Variants in EYA2 observed in about 807,000 individuals in gnomAD.
The protein encoded by EYA2 is EYA transcriptional coactivator and phosphatase 2, also known as protein phosphatase EYA2.
Under a neutral mutation model 69.2 loss-of-function variants are expected in EYA2, and 31 were observed. The observed-to-expected ratio is 0.45, with a 90% CI of 0.34 to 0.60. The LOEUF (loss-of-function observed/expected upper bound fraction) is 0.60, where lower values mean the gene tolerates loss of function less well. Among genes scored for constraint, EYA2 ranks in the 20% least tolerant of loss-of-function variants. The probability of loss-of-function intolerance (pLI) is 0.02; values close to 1 mark genes in which losing one functional copy is unlikely to be tolerated. For missense variants in EYA2, 622 were observed against 701.2 expected (o/e 0.89, Z 1.28); for synonymous variants, 257 against 279.4 (o/e 0.92, Z 0.80).
At chr20:47,077,441 C>G (rs926042220) in intron 7 of EYA2, among the ~76,000 whole-genome samples, 9 of 152,146 alleles carry the variant, frequency 5.9e-5, no homozygotes. Context: ...CCTTTGTCTT[C>G]TTTTCTGAAA....
intron 10 of EYA2, among the ~76,000 whole-genome samples, chr20:47,162,131 G>A (rs952949335): frequency 3.3e-5 from 5 of 152,030 alleles, no homozygotes; most frequent in African/African-American, 7.3e-5. Flanking sequence ...GGCATTCTTC[G>A]TCTTCTGTCT....
intron 9 of EYA2, among the ~76,000 whole-genome samples, chr20:47,142,106 T>C (rs2033609262): frequency 6.6e-6 from 1 of 152,252 alleles, no homozygotes; most frequent in South Asian, 2.1e-4. Flanking sequence ...ACACACAGTC[T>C]ACTCACCTCT....
chr20:46,932,092 A>C (rs968502283), intron 1 of EYA2, among the ~76,000 whole-genome samples: 1 of 151,520 alleles, frequency 6.6e-6, no homozygotes, highest in African/African-American at 2.4e-5. Flanking sequence ...GGTGGGGACA[A>C]GATTAAGTCG....
chr20:46,909,140 T>C (rs1409709255), intron 1 of EYA2, among the ~76,000 whole-genome samples: 2 of 152,092 alleles, frequency 1.3e-5, no homozygotes, highest in African/African-American at 4.8e-5. Context: ...ATGATGATTA[T>C]TATGTCATCT....
chr20:47,130,256 A>ATTTTATTTT (rs1392782309), intron 9 of EYA2, among the ~76,000 whole-genome samples: 1 of 69,782 alleles, frequency 1.4e-5, no homozygotes, highest in Non-Finnish European at 2.8e-5. Context: ...AAGAAGGTTT[A>ATTTTATTTT]TTTTCTTTTT....
At chr20:46,991,796 C>G (rs766660281) in intron 2 of EYA2, among the ~76,000 whole-genome samples, 3 of 151,844 alleles carry the variant, frequency 2.0e-5, no homozygotes, top group Non-Finnish European at 4.4e-5. Flanking sequence ...GGTGAAACCT[C>G]GTCTCTATTA....
At chr20:47,005,925 A>G (rs1982683697) in intron 4 of EYA2, among the ~76,000 whole-genome samples, 1 of 152,284 alleles carries the variant, frequency 6.6e-6, no homozygotes, top group Non-Finnish European at 1.5e-5. Flanking sequence ...AGTGACAAAA[A>G]CCCAAGCTAA....
intron 1 of EYA2, among the ~76,000 whole-genome samples, chr20:46,941,929 A>G (rs1243538888): frequency 6.6e-6 from 1 of 151,306 alleles, no homozygotes; most frequent in Non-Finnish European, 1.5e-5. Flanking sequence ...GCTAATTTTT[A>G]AATTTTTTTG....
chr20:47,040,431 A>C (rs1368976345), intron 5 of EYA2, among the ~76,000 whole-genome samples: 1 of 152,202 alleles, frequency 6.6e-6, no homozygotes, highest in Non-Finnish European at 1.5e-5. Flanking sequence ...TCTGAGCCTC[A>C]GTTTTCTGGT....
intron 1 of EYA2, among the ~76,000 whole-genome samples, chr20:46,984,791 T>C (rs1981077466): frequency 6.6e-6 from 1 of 152,190 alleles, no homozygotes; most frequent in African/African-American, 2.4e-5. Context: ...ATACTGCATT[T>C]TAAAAAATGA....
chr20:47,147,735 CA>C (rs1015523145), intron 10 of EYA2, among the ~76,000 whole-genome samples: 1 of 152,142 alleles, frequency 6.6e-6, no homozygotes, highest in African/African-American at 2.4e-5. Context: ...TCCAGACTCC[CA>C]GGGGAAAGAA....
At chr20:47,037,240 G>A (rs1274715740) in intron 5 of EYA2, among the ~76,000 whole-genome samples, 1 of 152,156 alleles carries the variant, frequency 6.6e-6, no homozygotes, top group Non-Finnish European at 1.5e-5. Context: ...TGACACCTGG[G>A]GATTATGGGG....
At chr20:47,111,258 A>C (rs1216639928) in intron 9 of EYA2, among the ~76,000 whole-genome samples, 1 of 152,222 alleles carries the variant, frequency 6.6e-6, no homozygotes, top group Non-Finnish European at 1.5e-5. Context: ...GGAAAACAAA[A>C]GGCATGAGAA....
Position 47,151,813 on chromosome 20 carries a change from C to T in EYA2, c.978+8665C>T, listed in dbSNP as rs1600747361. ...CTGTGTTCCCCACCAGCTGTGTATT[C>T]CAGGAGGGCAGAGAACATGTCCACT... On this transcript the variant is annotated intron_variant, in intron 10 of 15. Coordinates refer to ENST00000327619, the MANE Select transcript of EYA2 (RefSeq NM_005244.5). 3.9e-5 allele frequency among the ~76,000 whole-genome samples: 6 copies of T among 152,074 alleles called. No individual in the cohort carries two copies. In the South Asian group the frequency reaches 1.3e-3, roughly 32 times the overall value.
At chr20:47,160,876 C>T (rs927998515) in intron 10 of EYA2, 7 of 236,162 alleles carry the variant, frequency 3.0e-5, no homozygotes, top group Non-Finnish European at 5.9e-5. Context: ...GTCCTCTGCA[C>T]AGAGACTCTG....
At chr20:47,098,428 C>G (rs1200206319) in intron 9 of EYA2, among the ~76,000 whole-genome samples, 1 of 152,250 alleles carries the variant, frequency 6.6e-6, no homozygotes, top group Non-Finnish European at 1.5e-5. Flanking sequence ...GACACAGGCA[C>G]TCACTCATCT....
At chr20:47,068,414 G>A (rs866386501) in intron 5 of EYA2, among the ~76,000 whole-genome samples, 45 of 152,238 alleles carry the variant, frequency 3.0e-4, no homozygotes, top group Non-Finnish European at 3.5e-4. Flanking sequence ...GATCAGCACT[G>A]TTTGCCTTCC....
intron 2 of EYA2, among the ~76,000 whole-genome samples, chr20:46,992,189 A>G (rs532057852): frequency 3.3e-5 from 5 of 152,322 alleles, no homozygotes; most frequent in Non-Finnish European, 7.3e-5. Context: ...CACCATCAGA[A>G]CAAACACTCG....
In EYA2 at chr20:46,947,965, A is replaced by C. The variant is rs564334995; in HGVS notation, c.-10-42036A>C. 2.6e-5 allele frequency among the ~76,000 whole-genome samples: 4 copies of C among 152,184 alleles called. No homozygotes were observed. The South Asian group carries it at 6.2e-4, about 24-fold the overall frequency. ...GACCTCATGTCTACAAAAAGTTTTAAAACTAGCCTTGCATGGTGGTGCATG... is the reference window on the plus strand; with the variant it reads ...GACCTCATGTCTACAAAAAGTTTTACAACTAGCCTTGCATGGTGGTGCATG... On this transcript the variant is annotated intron_variant, in intron 1 of 15. Transcript: ENST00000327619.
Sources: gnomAD v4.1 joint callset for allele counts (sites outside exome capture counted in the v4.1 genomes callset) on GRCh38, gnomAD v4.1.1 for gene constraint, MANE v1.5 for transcripts, NCBI Gene and HGNC (gene_info 2026-07-23, HGNC 2026-07-21) for gene names.